PPP2R2C: variants seen among roughly 807,000 people sequenced by gnomAD.
PPP2R2C encodes the protein protein phosphatase 2 regulatory subunit Bgamma, also known as protein phosphatase 2, regulatory subunit B, gamma.
A neutral mutation model predicts 45.3 loss-of-function variants in PPP2R2C; 10 were observed. The ratio of observed to expected loss-of-function variants is 0.22; its 90% CI spans 0.14 to 0.37. The LOEUF (loss-of-function observed/expected upper bound fraction) is 0.37. Ranked by LOEUF, PPP2R2C falls within the 10% of genes least tolerant of loss-of-function variation. The probability of loss-of-function intolerance (pLI) is 1.00; values close to 1 mark genes in which losing one functional copy is unlikely to be tolerated. For missense variants in PPP2R2C, 308 were observed against 619.7 expected (o/e 0.50, Z 5.34); for synonymous variants, 257 against 245.4 (o/e 1.05, Z -0.44).
At chr4:6,440,239 C>T (rs903468032) in intron 1 of PPP2R2C, among the ~76,000 whole-genome samples, 1 of 152,248 alleles carries the variant, frequency 6.6e-6, no homozygotes, top group African/African-American at 2.4e-5. Context: ...ATGTTGGATG[C>T]GTGCGCAGAT....
intron 8 of PPP2R2C, among the ~76,000 whole-genome samples, chr4:6,323,925 C>T (rs1283802055): frequency 6.6e-6 from 1 of 151,910 alleles, no homozygotes; most frequent in African/African-American, 2.4e-5. Flanking sequence ...GCCTGGGTGA[C>T]AGAGTAAAAC....
chr4:6,346,506 GGT>G (rs1362560556), intron 6 of PPP2R2C, among the ~76,000 whole-genome samples: 1 of 152,172 alleles, frequency 6.6e-6, no homozygotes, highest in African/African-American at 2.4e-5. Context: ...ACATGCGTCA[GGT>G]GTGTGTTCAC....
intron 6 of PPP2R2C, among the ~76,000 whole-genome samples, chr4:6,346,162 G>C (rs1329539936): frequency 6.6e-6 from 1 of 152,080 alleles, no homozygotes; most frequent in Non-Finnish European, 1.5e-5. Flanking sequence ...ATTTCTTCCT[G>C]CAGACCCTGC....
chr4:6,356,071 T>C (rs971963706), intron 5 of PPP2R2C, among the ~76,000 whole-genome samples: 13 of 148,328 alleles, frequency 8.8e-5, no homozygotes, highest in Non-Finnish European at 1.9e-4. Flanking sequence ...GTGAAGTCCA[T>C]CAGGAAGAAC....
At chr4:6,450,399 G>T (rs960667053) in intron 1 of PPP2R2C, among the ~76,000 whole-genome samples, 3 of 152,152 alleles carry the variant, frequency 2.0e-5, no homozygotes, top group African/African-American at 7.2e-5. Flanking sequence ...TTGAGCAAAT[G>T]GTTACCCAGC....
intron 2 of PPP2R2C, among the ~76,000 whole-genome samples, chr4:6,518,697 T>G (rs558291082): frequency 3.9e-5 from 6 of 152,138 alleles, no homozygotes; most frequent in Admixed American, 3.3e-4. Flanking sequence ...CCAAGGCAAG[T>G]GGCTCATCAG....
chr4:6,459,325 T>A, intron 1 of PPP2R2C, among the ~76,000 whole-genome samples: 1 of 152,188 alleles, frequency 6.6e-6, no homozygotes, highest in East Asian at 1.9e-4. Flanking sequence ...CCTCACAATA[T>A]GGTGGCTGGC....
intron 1 of PPP2R2C, among the ~76,000 whole-genome samples, chr4:6,458,547 T>C (rs1391599997): frequency 6.6e-6 from 1 of 152,086 alleles, no homozygotes; most frequent in Non-Finnish European, 1.5e-5. Context: ...TACCCTCACA[T>C]TGGGGGTCTG....
chr4:6,395,372 C>A (rs1432014845), intron 1 of PPP2R2C, among the ~76,000 whole-genome samples: 1 of 152,172 alleles, frequency 6.6e-6, no homozygotes, highest in African/African-American at 2.4e-5. Context: ...AGAAACGGAC[C>A]CCGCGGGCAT....
intron 5 of PPP2R2C, among the ~76,000 whole-genome samples, chr4:6,354,100 G>A (rs999464361): frequency 2.0e-5 from 3 of 150,198 alleles, no homozygotes; most frequent in African/African-American, 7.4e-5. Context: ...TGAACCCCTT[G>A]CGCTCTGCCC....
chr4:6,562,515 T>C lies in PPP2R2C; in HGVS notation c.-59+1045A>G, dbSNP rs529320851. ...GAAAGCTCTTGGAACAGTGTGTTTG[T>C]TATATAAAGTGACAGAGACCAGCAC... On this transcript the variant is annotated intron_variant, in intron 1 of 9. Transcript: ENST00000506140. Among the ~76,000 whole-genome samples the C allele has an allele frequency of 1.3e-4, 19 of 151,846 alleles. 1 individual carries two copies. Among genetic ancestry groups the C allele is most frequent in the African/African-American group, 4.6e-4 (19 of 41,334 alleles).
chr4:6,443,914 GCAGCAGCC>G (rs1303658530), intron 1 of PPP2R2C, among the ~76,000 whole-genome samples: 4 of 152,148 alleles, frequency 2.6e-5, no homozygotes, highest in African/African-American at 4.8e-5. Context: ...CTCCAACACA[GCAGCAGCC>G]CAGCAGCCCA....
chr4:6,337,049 G>A (rs1371338799), intron 6 of PPP2R2C, among the ~76,000 whole-genome samples: 1 of 106,498 alleles, frequency 9.4e-6, no homozygotes, highest in Non-Finnish European at 2.0e-5. Context: ...CATCTCACAT[G>A]ATAATGTTTT....
intron 2 of PPP2R2C, among the ~76,000 whole-genome samples, chr4:6,481,199 T>C (rs1722337191): frequency 1.3e-5 from 2 of 152,246 alleles, no homozygotes; most frequent in African/African-American, 4.8e-5. Context: ...TCAATATTTA[T>C]CTTTCAGGCA....
intron 5 of PPP2R2C, among the ~76,000 whole-genome samples, chr4:6,358,385 AG>A (rs200539156): frequency 0.014 from 2,066 of 152,310 alleles, 37 homozygotes; most frequent in African/African-American, 0.047. Context: ...GAAAAACCAT[AG>A]AAAAAAATCC....
At chr4:6,382,682 C>A (rs1715927399) in intron 1 of PPP2R2C, 1 of 229,872 alleles carries the variant, frequency 4.4e-6, no homozygotes, top group Non-Finnish European at 7.3e-6. Flanking sequence ...CTCTCACACA[C>A]ACACACACAC....
intron 1 of PPP2R2C, among the ~76,000 whole-genome samples, chr4:6,422,512 G>A (rs1005950114): frequency 6.6e-6 from 1 of 152,216 alleles, no homozygotes; most frequent in East Asian, 1.9e-4. Context: ...CCCAGACTGT[G>A]CCACTTAAAC....
chr4:6,421,508 T>C (rs1286266112), intron 1 of PPP2R2C, among the ~76,000 whole-genome samples: 1 of 152,134 alleles, frequency 6.6e-6, no homozygotes, highest in African/African-American at 2.4e-5. Context: ...CTCTAGATAC[T>C]GAGTGTCATC....
Position 6,320,749 on chromosome 4 carries a change from C to A in PPP2R2C, c.*2553G>T, listed in dbSNP as rs997043174. The A allele has an allele frequency of 6.6e-6, 1 of 151,360 alleles. No individual in the cohort carries two copies. The highest frequency in any genetic ancestry group is 6.6e-5 in the Admixed American group (1 of 15,174). 9.4% of individuals were successfully genotyped at this position (151,360 alleles called of 1,614,324 possible). ...GACAACTTGACCACCATGTATCCCA[C>A]ACCACCACCCCCACCACCACCACCA... On this transcript the variant is annotated 3_prime_UTR_variant, in exon 9 of 9. Transcript: ENST00000382599.
Sources: allele counts gnomAD v4.1 joint callset (sites outside exome capture counted in the v4.1 genomes callset), GRCh38; gene constraint gnomAD v4.1.1; transcripts MANE v1.5; gene names NCBI Gene and HGNC (gene_info 2026-07-23, HGNC 2026-07-21).